PMFBP1: variants seen among roughly 807,000 people sequenced by gnomAD.
PMFBP1 encodes polyamine-modulated factor 1-binding protein 1.
In PMFBP1, 131 loss-of-function variants were observed where a neutral mutation model predicts 137.8. That is an observed-to-expected ratio of 0.95 (90% CI 0.82 to 1.10). PMFBP1 has a LOEUF of 1.10. Among genes scored for constraint, PMFBP1 ranks in the 50% least tolerant of loss-of-function variants. The probability of loss-of-function intolerance (pLI) is 0.00; values close to 1 mark genes in which losing one functional copy is unlikely to be tolerated. For synonymous variants in PMFBP1, 490 were observed against 450.4 expected, an observed-to-expected ratio of 1.09 and a Z score of -1.11; for missense variants, 1,199 against 1,175.4, an observed-to-expected ratio of 1.02 and a Z score of -0.29.
chr16:72,169,063 T>C lies in PMFBP1; in HGVS notation c.12+2134A>G, dbSNP rs568896903. 1.8e-4 allele frequency among the ~76,000 whole-genome samples: 28 copies of C among 152,278 alleles called. No individual in the cohort carries two copies. In the East Asian group the frequency reaches 4.6e-3, roughly 25 times the overall value. On this transcript the variant is annotated intron_variant, in intron 2 of 20. Coordinates refer to ENST00000237353, the MANE Select transcript of PMFBP1 (RefSeq NM_031293.3). ...CCAAGAGCATTGCAAAGATTCAAAATGGCAGCATTCCCAGGGATGTGGCAT... is the reference window on the plus strand; with the variant it reads ...CCAAGAGCATTGCAAAGATTCAAAACGGCAGCATTCCCAGGGATGTGGCAT...
chr16:72,206,330 T>C, the PMFBP1 span, among the ~76,000 whole-genome samples: 1 of 152,170 alleles, frequency 6.6e-6, no homozygotes, highest in African/African-American at 2.4e-5. Context: ...CAGGAGCCTC[T>C]GTGACCTGCA....
the PMFBP1 span, among the ~76,000 whole-genome samples, chr16:72,231,779 A>G: frequency 6.6e-6 from 1 of 152,150 alleles, no homozygotes; most frequent in East Asian, 1.9e-4. Flanking sequence ...TTCATTCTTA[A>G]TTTTTATATG....
At chr16:72,128,607 G>T (rs1308474416) in intron 14 of PMFBP1, 50 bp downstream of exon 14, 1 of 1,613,742 alleles carries the variant, frequency 6.2e-7, no homozygotes, top group African/African-American at 1.3e-5. Flanking sequence ...TTCAGGTCAA[G>T]GGTCACAGGG....
rs2042429005 is a variant in PMFBP1 at position 72,124,807 on chromosome 16, A to G, written c.2549T>C (p.Met850Thr). The change falls in exon 17 of 21, where the codon ATG becomes ACG. Residue 850 changes from methionine (M) to threonine (T), a missense_variant. Coordinates refer to ENST00000237353, the MANE Select transcript of PMFBP1 (RefSeq NM_031293.3). ...AAGGAGGTTCTCTTTTAAGGCGGCCATCTCCTCCTGGAACTCCCTGAGCTG... is the reference window on the plus strand; with the variant it reads ...AAGGAGGTTCTCTTTTAAGGCGGCCGTCTCCTCCTGGAACTCCCTGAGCTG... ...EEQLREFQEE[M>T]AALKENLLED... The G allele has an allele frequency of 1.9e-6, 3 of 1,614,108 alleles. No individual in the cohort carries two copies. The highest frequency in any genetic ancestry group is 2.5e-6 in the Non-Finnish European group (3 of 1,179,996).
the PMFBP1 span, among the ~76,000 whole-genome samples, chr16:72,240,421 A>G: frequency 6.6e-6 from 1 of 152,274 alleles, no homozygotes; most frequent in Non-Finnish European, 1.5e-5. Context: ...CGTCTCTACT[A>G]AAAGTAGGAC....
chr16:72,122,652 C>G (rs2042392258), intron 19 of PMFBP1, among the ~76,000 whole-genome samples: 1 of 152,226 alleles, frequency 6.6e-6, no homozygotes, highest in Non-Finnish European at 1.5e-5. Flanking sequence ...GCACCCTTGA[C>G]CTCTGAGAAC....
the PMFBP1 span, among the ~76,000 whole-genome samples, chr16:72,210,645 C>T: frequency 6.6e-6 from 1 of 152,146 alleles, no homozygotes; most frequent in African/African-American, 2.4e-5. Flanking sequence ...TAAACAGCTG[C>T]CACATTTGGA....
rs199639454 is a variant in PMFBP1 at position 72,130,547 on chromosome 16, T to C, written c.1623A>G (p.Glu541=). 2.5e-6 allele frequency: 4 copies of C among 1,614,068 alleles called. No individual in the cohort carries two copies. Among genetic ancestry groups the C allele is most frequent in the East Asian group, 2.2e-5 (1 of 44,852 alleles). The change falls in exon 11 of 21, where the codon GAA becomes GAG. Residue 541 remains glutamate (E), a synonymous_variant. Coordinates refer to ENST00000237353, the MANE Select transcript of PMFBP1 (RefSeq NM_031293.3). ...AGCCTGGGCACCTGTTGGAGGTTTG[T>C]TCCTTCTCAGCCATCGAGGACTCCT... ...LQKESSMAEK[E]QTSNRKRVEE...
At chr16:72,221,148 A>C in the PMFBP1 span, among the ~76,000 whole-genome samples, 2 of 152,154 alleles carry the variant, frequency 1.3e-5, no homozygotes, top group African/African-American at 4.8e-5. Flanking sequence ...TCCATTCAAC[A>C]ATAATCCTCG....
chr16:72,246,089 A>G, the PMFBP1 span, among the ~76,000 whole-genome samples: 2 of 152,290 alleles, frequency 1.3e-5, no homozygotes, highest in South Asian at 4.1e-4. Flanking sequence ...CGCACTGGGG[A>G]GGGAGGAGAT....
chr16:72,122,922 G>C lies in PMFBP1; in HGVS notation c.2760C>G (p.Gly920=), dbSNP rs199780184. The change falls in exon 19 of 21, where the codon GGC becomes GGG. Residue 920 remains glycine (G), a synonymous_variant. Transcript: ENST00000237353. ...EQVKYIAKLS[G]EKDHLHSVMV... ...GGTTTAAGATGACTTACTCCTTTTC[G>C]CCACTCAGCTTGGCAATGTATTTCA... The C allele has an allele frequency of 8.7e-6, 14 of 1,612,892 alleles. No homozygotes were observed. The highest frequency in any genetic ancestry group is 5.0e-5 in the Admixed American group (3 of 60,004).
At chr16:72,162,810 G>T (rs2043084167) in intron 3 of PMFBP1, among the ~76,000 whole-genome samples, 1 of 152,154 alleles carries the variant, frequency 6.6e-6, no homozygotes, top group African/African-American at 2.4e-5. Context: ...TCCCTGACTG[G>T]GGGAATAAGT....
intron 14 of PMFBP1, 121 bp from the exon 15 acceptor site, chr16:72,126,253 C>G: frequency 2.8e-6 from 3 of 1,059,226 alleles, no homozygotes; most frequent in Non-Finnish European, 4.1e-6. Flanking sequence ...CTGCAGAGTC[C>G]GTGTTAACAC....
In PMFBP1 at chr16:72,130,553, C is replaced by T. The variant is rs780446731; in HGVS notation, c.1617G>A (p.Glu539=). The part of the protein sequence containing the change: ...QMLQKESSMA[E]KEQTSNRKRV... ...GGCACCTGTTGGAGGTTTGTTCCTTCTCAGCCATCGAGGACTCCTTCTGCA... is the reference window on the plus strand; with the variant it reads ...GGCACCTGTTGGAGGTTTGTTCCTTTTCAGCCATCGAGGACTCCTTCTGCA... The change falls in exon 11 of 21, where the codon GAG becomes GAA. Residue 539 remains glutamate (E), a synonymous_variant. Coordinates refer to ENST00000237353, the MANE Select transcript of PMFBP1 (RefSeq NM_031293.3). The T allele has an allele frequency of 5.9e-5, 95 of 1,613,982 alleles. No individual in the cohort carries two copies. Among genetic ancestry groups the T allele is most frequent in the Non-Finnish European group, 7.8e-5 (92 of 1,180,016 alleles).
At chr16:72,155,449 C>T (rs563472898) in intron 3 of PMFBP1, among the ~76,000 whole-genome samples, 1 of 152,304 alleles carries the variant, frequency 6.6e-6, no homozygotes, top group South Asian at 2.1e-4. Context: ...TGTATTCTGT[C>T]TGTAATTATT....
the PMFBP1 span, among the ~76,000 whole-genome samples, chr16:72,211,871 C>A: frequency 1.4e-4 from 21 of 152,150 alleles, no homozygotes; most frequent in South Asian, 4.4e-3. Flanking sequence ...GTGGTGTGCA[C>A]CTGTAGTCCC....
the PMFBP1 span, among the ~76,000 whole-genome samples, chr16:72,248,811 G>A: frequency 6.6e-6 from 1 of 152,244 alleles, no homozygotes; most frequent in South Asian, 2.1e-4. Context: ...GTTTGAATTA[G>A]TTTTAATCAC....
At chr16:72,238,047 T>C in the PMFBP1 span, among the ~76,000 whole-genome samples, 5 of 152,266 alleles carry the variant, frequency 3.3e-5, no homozygotes, top group Non-Finnish European at 7.3e-5. Flanking sequence ...CAGTCTATCA[T>C]TGATGGACAT....
chr16:72,207,710 A>ATGTGTGTGTGTGTGTGTGTGTGTGTG, the PMFBP1 span, among the ~76,000 whole-genome samples: 7 of 143,918 alleles, frequency 4.9e-5, no homozygotes, highest in Non-Finnish European at 7.6e-5. Context: ...CCAGTAGGGC[A>ATGTGTGTGTGTGTGTGTGTGTGTGTG]TGTGTGTGTG....
Sources: gnomAD v4.1 joint callset for allele counts (sites outside exome capture counted in the v4.1 genomes callset) on GRCh38, gnomAD v4.1.1 for gene constraint, MANE v1.5 for transcripts, NCBI Gene and HGNC (gene_info 2026-07-23, HGNC 2026-07-21) for gene names.